Variants in C1QTNF3 observed in about 807,000 individuals in gnomAD.
C1QTNF3 encodes the protein C1q and TNF related 3, also known as complement C1q tumor necrosis factor-related protein 3.
C1QTNF3 carries 26 observed loss-of-function variants against 32.6 expected under a neutral mutation model. The observed-to-expected ratio is 0.80, with a 90% CI of 0.58 to 1.11. C1QTNF3 has a LOEUF of 1.11. C1QTNF3 is among the 50% of genes least tolerant of loss of function. C1QTNF3 has a pLI of 0.00. For synonymous variants in C1QTNF3, 155 were observed against 146.0 expected (o/e 1.06, Z -0.44); for missense variants, 362 against 398.2 (o/e 0.91, Z 0.77).
the C1QTNF3 span, among the ~76,000 whole-genome samples, chr5:34,150,192 C>CT: frequency 1.8e-5 from 1 of 56,438 alleles, no homozygotes; most frequent in African/African-American, 9.8e-5. Context: ...TACAGGAGCA[C>CT]CCAGATTCAT....
At chr5:34,195,786 G>A in the C1QTNF3 span, among the ~76,000 whole-genome samples, 1 of 152,020 alleles carries the variant, frequency 6.6e-6, no homozygotes, top group Non-Finnish European at 1.5e-5. Context: ...CTTGTAGAGA[G>A]CCGAGATTGT....
At chr5:34,146,131 A>G in the C1QTNF3 span, among the ~76,000 whole-genome samples, 1 of 152,212 alleles carries the variant, frequency 6.6e-6, no homozygotes, top group Admixed American at 6.5e-5. Context: ...CCTATTCAAC[A>G]TATACTAGAA....
the C1QTNF3 span, among the ~76,000 whole-genome samples, chr5:34,160,420 ATATAAT>A: frequency 2.7e-4 from 41 of 152,214 alleles, no homozygotes; most frequent in Non-Finnish European, 5.4e-4. Flanking sequence ...CTCTCTACAT[ATATAAT>A]TATAATTTGC....
At chr5:34,226,303 G>A in the C1QTNF3 span, among the ~76,000 whole-genome samples, 45 of 151,550 alleles carry the variant, frequency 3.0e-4, no homozygotes, top group South Asian at 4.2e-4. Context: ...CTCTTTTATC[G>A]GCCAAACTTG....
chr5:34,091,760 T>C, the C1QTNF3 span, among the ~76,000 whole-genome samples: 1 of 151,914 alleles, frequency 6.6e-6, no homozygotes, highest in African/African-American at 2.4e-5. Flanking sequence ...GTATTATTTA[T>C]TAATTTAAAT....
At chr5:34,177,575 C>T in the C1QTNF3 span, among the ~76,000 whole-genome samples, 1 of 151,402 alleles carries the variant, frequency 6.6e-6, no homozygotes, top group Non-Finnish European at 1.5e-5. Context: ...CAACCTCCAC[C>T]TCCCCAGTTC....
the C1QTNF3 span, chr5:34,175,507 T>C: frequency 3.6e-6 from 1 of 276,102 alleles, no homozygotes; most frequent in African/African-American, 2.2e-5. Flanking sequence ...AGTAAATCCA[T>C]AATGAGGTCC....
the C1QTNF3 span, among the ~76,000 whole-genome samples, chr5:34,241,296 G>A: frequency 0.24 from 35,842 of 151,540 alleles, 5,248 homozygotes; most frequent in East Asian, 0.47. Flanking sequence ...GAGCAATCTC[G>A]CAACAGAAAA....
chr5:34,057,026 C>T, the C1QTNF3 span, among the ~76,000 whole-genome samples: 2 of 152,168 alleles, frequency 1.3e-5, no homozygotes, highest in Admixed American at 1.3e-4. Context: ...AAAAGTAGAA[C>T]ACTTATTAAT....
At chr5:34,097,399 T>C in the C1QTNF3 span, among the ~76,000 whole-genome samples, 9 of 151,004 alleles carry the variant, frequency 6.0e-5, no homozygotes, top group Non-Finnish European at 1.2e-4. Flanking sequence ...AAATTGTGCA[T>C]TTTTAACATT....
chr5:34,221,055 A>G, the C1QTNF3 span, among the ~76,000 whole-genome samples: 1 of 152,122 alleles, frequency 6.6e-6, no homozygotes, highest in Non-Finnish European at 1.5e-5. Flanking sequence ...CAAGGGGGAA[A>G]GAAATCTTTT....
chr5:34,102,787 T>C, the C1QTNF3 span, among the ~76,000 whole-genome samples: 57 of 152,376 alleles, frequency 3.7e-4, no homozygotes, highest in Admixed American at 1.5e-3. Flanking sequence ...TAGGTGGGAA[T>C]TGAACAATGA....
chr5:34,106,442 A>ATAACCTGT, the C1QTNF3 span: 6 of 149,652 alleles, frequency 4.0e-5, no homozygotes, highest in African/African-American at 1.5e-4. Context: ...TAATTAGGGA[A>ATAACCTGT]TAACCTGTTC....
the C1QTNF3 span, among the ~76,000 whole-genome samples, chr5:34,208,444 A>C: frequency 6.6e-6 from 1 of 151,420 alleles, no homozygotes; most frequent in South Asian, 2.1e-4. Flanking sequence ...GATTAGCAAC[A>C]TCCCTAGCCT....
chr5:34,112,745 A>G, the C1QTNF3 span, among the ~76,000 whole-genome samples: 1 of 152,188 alleles, frequency 6.6e-6, no homozygotes, highest in African/African-American at 2.4e-5. Context: ...CTTTCCGCTG[A>G]GCTTAGCAGG....
chr5:34,043,160 GAC>G lies in C1QTNF3; in HGVS notation c.-37_-36del, dbSNP rs780958297. On this transcript the variant is annotated 5_prime_UTR_variant, in exon 1 of 6. Transcript: ENST00000382065. Reference sequence around the variant, plus strand: ...CAGAGCCTCAGAGTCTCCCTGAGAAGACAGCAGAGCTCCAGGAGCGTGGTCTC... The same window carrying G: ...CAGAGCCTCAGAGTCTCCCTGAGAAGAGCAGAGCTCCAGGAGCGTGGTCTC... The G allele has an allele frequency of 6.3e-7, 1 of 1,586,868 alleles. No homozygotes were observed. The highest frequency in any genetic ancestry group is 1.3e-5 in the African/African-American group (1 of 74,452).
chr5:34,142,455 A>C, the C1QTNF3 span, among the ~76,000 whole-genome samples: 25 of 151,510 alleles, frequency 1.7e-4, no homozygotes, highest in African/African-American at 5.8e-4. Flanking sequence ...ACAGAAAAGA[A>C]AAGACACAGA....
chr5:34,053,892 T>C, the C1QTNF3 span, among the ~76,000 whole-genome samples: 4 of 152,356 alleles, frequency 2.6e-5, no homozygotes, highest in African/African-American at 4.8e-5. Flanking sequence ...TCAGTAATTA[T>C]GTACTGAAAA....
chr5:34,177,472 A>G, the C1QTNF3 span, among the ~76,000 whole-genome samples: 1 of 140,978 alleles, frequency 7.1e-6, no homozygotes, highest in Non-Finnish European at 1.5e-5. Context: ...AAGCACGACC[A>G]TACCCAACTT....
Sources: allele counts gnomAD v4.1 joint callset (sites outside exome capture counted in the v4.1 genomes callset), GRCh38; gene constraint gnomAD v4.1.1; transcripts MANE v1.5; gene names NCBI Gene and HGNC (gene_info 2026-07-23, HGNC 2026-07-21).